ZNF138: variants seen among roughly 807,000 people sequenced by gnomAD.
ZNF138 encodes the protein zinc finger protein 138.
Under a neutral mutation model 33.0 loss-of-function variants are expected in ZNF138, and 33 were observed. The observed-to-expected ratio is 1.00, with a 90% CI of 0.76 to 1.34. The LOEUF (loss-of-function observed/expected upper bound fraction) is 1.34. Among genes scored for constraint, ZNF138 ranks in the 40% most tolerant of loss-of-function variants. The pLI, the probability that ZNF138 is intolerant of heterozygous loss-of-function variation, is 0.00. For missense variants in ZNF138, 360 were observed against 370.8 expected (o/e 0.97, Z 0.24); for synonymous variants, 139 against 120.4 (o/e 1.15, Z -1.01).
At chr7:64,843,302 G>A in the ZNF138 span, among the ~76,000 whole-genome samples, 257 of 152,120 alleles carry the variant, frequency 1.7e-3, 1 homozygote, top group African/African-American at 5.9e-3. Context: ...TTCTGATTTC[G>A]TTTGTTTTGG....
intron 3 of ZNF138, among the ~76,000 whole-genome samples, chr7:64,825,454 A>T: frequency 6.6e-6 from 1 of 150,992 alleles, no homozygotes. Flanking sequence ...TACAGGCCTG[A>T]GCCACCGCAC....
the ZNF138 span, among the ~76,000 whole-genome samples, chr7:64,850,849 T>G: frequency 1.3e-5 from 2 of 152,234 alleles, no homozygotes; most frequent in African/African-American, 4.8e-5. Flanking sequence ...ATGATTAATG[T>G]TAAACCTAAA....
the ZNF138 span, among the ~76,000 whole-genome samples, chr7:64,843,790 CT>C: frequency 1.3e-5 from 2 of 151,870 alleles, no homozygotes; most frequent in Admixed American, 1.3e-4. Context: ...ACCTATTTCT[CT>C]TTTGATTCCC....
intron 3 of ZNF138, among the ~76,000 whole-genome samples, chr7:64,821,915 C>CT (rs143245584): frequency 2.0e-4 from 17 of 85,682 alleles, no homozygotes; most frequent in African/African-American, 5.0e-4. Flanking sequence ...CAAATATTGT[C>CT]TTTTTTTTTT....
At chr7:64,852,207 C>T in the ZNF138 span, among the ~76,000 whole-genome samples, 1 of 152,114 alleles carries the variant, frequency 6.6e-6, no homozygotes, top group Admixed American at 6.5e-5. Context: ...GGTGCATCTT[C>T]AGTTAATGTG....
intron 1 of ZNF138, among the ~76,000 whole-genome samples, chr7:64,801,090 T>C (rs1214580484): frequency 6.6e-6 from 1 of 152,122 alleles, no homozygotes; most frequent in Non-Finnish European, 1.5e-5. Flanking sequence ...GTGGGTTATT[T>C]AGCTTATTAA....
At chr7:64,803,643 A>C (rs1038321540) in intron 1 of ZNF138, among the ~76,000 whole-genome samples, 1 of 152,200 alleles carries the variant, frequency 6.6e-6, no homozygotes, top group Non-Finnish European at 1.5e-5. Context: ...TGTGAATATA[A>C]CACCACAATA....
At chr7:64,826,278 ATTTG>A (rs1370979604) in intron 3 of ZNF138, among the ~76,000 whole-genome samples, 2 of 151,178 alleles carry the variant, frequency 1.3e-5, no homozygotes, top group African/African-American at 2.4e-5. Flanking sequence ...TTGATTATTT[ATTTG>A]TTTATTTATT....
chr7:64,839,157 A>G, the ZNF138 span, among the ~76,000 whole-genome samples: 1 of 152,172 alleles, frequency 6.6e-6, no homozygotes, highest in Admixed American at 6.5e-5. Flanking sequence ...GTCGTTTAGG[A>G]TATTGAAGTT....
At chr7:64,845,013 G>A in the ZNF138 span, among the ~76,000 whole-genome samples, 1 of 152,262 alleles carries the variant, frequency 6.6e-6, no homozygotes, top group South Asian at 2.1e-4. Context: ...TGATTTGTGA[G>A]ATTTTGGTGC....
intron 1 of ZNF138, among the ~76,000 whole-genome samples, chr7:64,804,602 T>G (rs1168457099): frequency 6.6e-6 from 1 of 151,952 alleles, no homozygotes; most frequent in Non-Finnish European, 1.5e-5. Context: ...GCCAACATGG[T>G]GAAACCCCAT....
chr7:64,810,477 G>A (rs937159524), intron 1 of ZNF138, among the ~76,000 whole-genome samples: 61 of 151,450 alleles, frequency 4.0e-4, no homozygotes, highest in Middle Eastern at 3.4e-3. Flanking sequence ...GAGGGAGAGC[G>A]TATTTCTGTT....
intron 3 of ZNF138, among the ~76,000 whole-genome samples, chr7:64,827,522 A>G (rs1372125813): frequency 6.6e-6 from 1 of 152,160 alleles, no homozygotes; most frequent in Non-Finnish European, 1.5e-5. Flanking sequence ...GGGATTAACC[A>G]TGTAACATTT....
chr7:64,800,279 A>G (rs976195979), intron 1 of ZNF138, among the ~76,000 whole-genome samples: 4 of 152,314 alleles, frequency 2.6e-5, no homozygotes, highest in African/African-American at 9.6e-5. Context: ...GCCAGTTTTC[A>G]TGGAGAAATG....
At chr7:64,831,305 A>T (rs1790059149) in intron 3 of ZNF138, 146 bp from the exon 4 acceptor site, 5 of 931,386 alleles carry the variant, frequency 5.4e-6, no homozygotes, top group Non-Finnish European at 8.0e-6. Context: ...TGTTACATTT[A>T]TATGTCTATA....
intron 1 of ZNF138, among the ~76,000 whole-genome samples, chr7:64,796,467 G>C (rs923451642): frequency 1.3e-5 from 2 of 152,138 alleles, no homozygotes; most frequent in African/African-American, 4.8e-5. Context: ...TTACTTCAGT[G>C]TTTTAATTGT....
intron 3 of ZNF138, among the ~76,000 whole-genome samples, chr7:64,824,295 A>G (rs1036731687): frequency 2.0e-5 from 3 of 152,296 alleles, no homozygotes; most frequent in Non-Finnish European, 2.9e-5. Flanking sequence ...GTCCCTTACC[A>G]TGTCACATGT....
At chr7:64,844,645 CA>C in the ZNF138 span, among the ~76,000 whole-genome samples, 1 of 150,046 alleles carries the variant, frequency 6.7e-6, no homozygotes, top group African/African-American at 2.5e-5. Context: ...AGGTGGTATT[CA>C]GTTACATGAG....
the ZNF138 span, among the ~76,000 whole-genome samples, chr7:64,850,301 G>A: frequency 6.6e-6 from 1 of 152,196 alleles, no homozygotes; most frequent in Admixed American, 6.5e-5. Flanking sequence ...TATTTTGGCT[G>A]TCTGCCAGGT....
Sources: gnomAD v4.1 joint callset for allele counts (sites outside exome capture counted in the v4.1 genomes callset) on GRCh38, gnomAD v4.1.1 for gene constraint, MANE v1.5 for transcripts, NCBI Gene and HGNC (gene_info 2026-07-23, HGNC 2026-07-21) for gene names.